The following EPB41L4B variants were observed in gnomAD, a reference collection of about 807,000 sequenced individuals.
EPB41L4B encodes the protein band 4.1-like protein 4B.
A neutral mutation model predicts 112.5 loss-of-function variants in EPB41L4B; 30 were observed. The observed-to-expected ratio is 0.27, with a 90% CI of 0.20 to 0.36. EPB41L4B has a LOEUF of 0.36. Ranked by LOEUF, EPB41L4B falls within the 10% of genes least tolerant of loss-of-function variation. The pLI is 1.00. For synonymous variants in EPB41L4B, 408 were observed against 439.7 expected, an observed-to-expected ratio of 0.93 and a Z score of 0.90; for missense variants, 1,024 against 1,133.3, an observed-to-expected ratio of 0.90 and a Z score of 1.38.
chr9:109,252,240 G>A (rs1190533352), intron 12 of EPB41L4B, among the ~76,000 whole-genome samples: 6 of 152,170 alleles, frequency 3.9e-5, no homozygotes, highest in Admixed American at 2.0e-4. Flanking sequence ...TCTTGAGACA[G>A]CTCTTTTGAT....
intron 1 of EPB41L4B, among the ~76,000 whole-genome samples, chr9:109,313,585 A>G (rs956545289): frequency 5.3e-5 from 8 of 152,230 alleles, no homozygotes; most frequent in Admixed American, 2.0e-4. Flanking sequence ...GGTCACATCA[A>G]CAAGACCTTT....
chr9:109,300,083 C>G (rs1381464963), intron 1 of EPB41L4B: 1 of 152,210 alleles, frequency 6.6e-6, no homozygotes, highest in African/African-American at 2.4e-5. Flanking sequence ...CAAAGTCAAC[C>G]GAAGAGGAGG....
chr9:109,239,157 G>T (rs1192943834), intron 15 of EPB41L4B, among the ~76,000 whole-genome samples: 1 of 152,194 alleles, frequency 6.6e-6, no homozygotes, highest in African/African-American at 2.4e-5. Context: ...GCTCCTATGG[G>T]ATCCATGCCA....
At chr9:109,283,194 G>A (rs1361712020) in intron 1 of EPB41L4B, among the ~76,000 whole-genome samples, 1 of 152,200 alleles carries the variant, frequency 6.6e-6, no homozygotes, top group Non-Finnish European at 1.5e-5. Flanking sequence ...CTTCTGGCAA[G>A]GTTACACTAA....
chr9:109,230,326 T>A (rs1212325715), intron 15 of EPB41L4B, among the ~76,000 whole-genome samples: 4 of 152,222 alleles, frequency 2.6e-5, no homozygotes, highest in Non-Finnish European at 4.4e-5. Flanking sequence ...CTTTGCCATG[T>A]GTTTGGAAGG....
At chr9:109,250,079 C>T (rs892583717) in intron 13 of EPB41L4B, among the ~76,000 whole-genome samples, 12 of 152,250 alleles carry the variant, frequency 7.9e-5, no homozygotes, top group South Asian at 2.1e-4. Flanking sequence ...CGGCTTCATC[C>T]GGAGGACCTC....
At chr9:109,176,719 G>A in intron 24 of EPB41L4B, 23 bp from the exon 25 acceptor site, 1 of 1,613,074 alleles carries the variant, frequency 6.2e-7, no homozygotes, top group Non-Finnish European at 8.5e-7. Flanking sequence ...CAGGAAAGAG[G>A]AGATCAATCT....
At chr9:109,258,325 T>G in intron 6 of EPB41L4B, 28 bp from the exon 7 acceptor site, 1 of 1,604,938 alleles carries the variant, frequency 6.2e-7, no homozygotes, top group South Asian at 1.1e-5. Context: ...GGGAGGAAAA[T>G]AGGAGACATT....
chr9:109,263,743 C>G (rs544186466), intron 5 of EPB41L4B, among the ~76,000 whole-genome samples: 53 of 152,202 alleles, frequency 3.5e-4, no homozygotes, highest in Non-Finnish European at 5.7e-4. Flanking sequence ...GTCAATGCAT[C>G]AAGTTTGTAA....
In EPB41L4B at chr9:109,265,333, C is replaced by T. The variant is rs542417655; in HGVS notation, c.534-309G>A. 6.6e-5 allele frequency among the ~76,000 whole-genome samples: 10 copies of T among 152,344 alleles called. No individual in the cohort carries two copies. The East Asian group carries it at 9.6e-4, about 15-fold the overall frequency. ...CTCCGTGCTGGAGAAGAGAGCCGAACGTGGCACATGGGCATGCAACATGTC... is the reference window on the plus strand; with the variant it reads ...CTCCGTGCTGGAGAAGAGAGCCGAATGTGGCACATGGGCATGCAACATGTC... On this transcript the variant is annotated intron_variant, in intron 4 of 25. Transcript: ENST00000374566.
At position 109,208,192 on chromosome 9, in the gene EPB41L4B, G is replaced by A. The variant is rs537162310; in HGVS notation, c.1753-143C>T. Reference sequence around the variant, plus strand: ...TCACCAACTCCTTATATTTTTATCTGTGCTTTACTATTTGCAAAGGGTTCT... The same window carrying A: ...TCACCAACTCCTTATATTTTTATCTATGCTTTACTATTTGCAAAGGGTTCT... On this transcript the variant is annotated intron_variant, in intron 17 of 25. Transcript: ENST00000374566. 118 of 933,386 alleles carry A rather than the reference G, an allele frequency of 1.3e-4. 1 individual carries two copies. The South Asian group carries it at 2.1e-3, about 16-fold the overall frequency. The allele number at this position is 933,386 out of a possible 1,614,324, so 57.8% of individuals were successfully genotyped here. A position where few individuals can be genotyped will look rare whatever the true frequency, so the allele number is the denominator to read the frequency against.
chr9:109,243,493 A>T, intron 15 of EPB41L4B, 125 bp downstream of exon 15: 4 of 800,656 alleles, frequency 5.0e-6, no homozygotes, highest in Non-Finnish European at 6.1e-6. Context: ...CATCTCGGCC[A>T]TGACAATGCA....
intron 19 of EPB41L4B, among the ~76,000 whole-genome samples, chr9:109,201,449 CAA>C (rs563680101): frequency 4.9e-4 from 29 of 59,370 alleles, no homozygotes; most frequent in Non-Finnish European, 4.8e-4. Flanking sequence ...GACCCTGTCT[CAA>C]AAAAAAAAAA....
At chr9:109,260,067 T>C (rs948967544) in intron 6 of EPB41L4B, among the ~76,000 whole-genome samples, 3 of 152,224 alleles carry the variant, frequency 2.0e-5, no homozygotes, top group Middle Eastern at 3.4e-3. Flanking sequence ...AAATCTTCAG[T>C]GTTTTTCTTT....
In EPB41L4B at chr9:109,255,608, C is replaced by A; in HGVS notation, c.1072G>T (p.Ala358Ser). 1 of 1,614,198 alleles carries A rather than the reference C, an allele frequency of 6.2e-7. No homozygotes were observed. Among genetic ancestry groups the A allele is most frequent in the Middle Eastern group, 1.6e-4 (1 of 6,062 alleles). The part of the protein sequence containing the change: ...ARTCKHLWKC[A>S]VEHHAFFRLR... ...CGGAAGAATGCGTGGTGCTCAACTGCACACTTCCAAAGGTGTTTGCAGGTC... is the reference window on the plus strand; with the variant it reads ...CGGAAGAATGCGTGGTGCTCAACTGAACACTTCCAAAGGTGTTTGCAGGTC... The change falls in exon 11 of 26, where the codon GCA (alanine) becomes TCA (serine). Residue 358 changes from alanine (A) to serine (S), a missense_variant. Ala to Ser is a moderately conservative substitution (Grantham distance 99). Coordinates refer to ENST00000374566, the MANE Select transcript of EPB41L4B (RefSeq NM_019114.5).
In EPB41L4B at chr9:109,253,460, C is replaced by T. The variant is rs768854748; in HGVS notation, c.1260G>A (p.Arg420=). ...ERKPSKRYPS[R]RHSTFKASNP... is the part of the protein sequence containing the mutation. ...CACAACCTTTGAACGTTGAATGTCT[C>T]CGGGATGGATAACGTTTACTAGGCT... Residue 420 remains arginine, a synonymous_variant, in exon 12 of 26, where the codon CGG becomes CGA. Coordinates refer to ENST00000374566, the MANE Select transcript of EPB41L4B (RefSeq NM_019114.5). 6.8e-6 allele frequency: 11 copies of T among 1,612,790 alleles called. No individual in the cohort carries two copies. In the African/African-American group the frequency reaches 1.2e-4, roughly 18 times the overall value.
chr9:109,298,733 T>C (rs528907703), intron 1 of EPB41L4B, among the ~76,000 whole-genome samples: 4 of 152,220 alleles, frequency 2.6e-5, no homozygotes, highest in Non-Finnish European at 5.9e-5. Flanking sequence ...AACACCTAGG[T>C]AACGTCTCGT....
chr9:109,259,931 A>G (rs1835135889), intron 6 of EPB41L4B, among the ~76,000 whole-genome samples: 1 of 152,132 alleles, frequency 6.6e-6, no homozygotes. Flanking sequence ...AGTGATCCTT[A>G]GAGTCCCAGA....
At chr9:109,273,227 G>A (rs1259014854) in intron 2 of EPB41L4B, among the ~76,000 whole-genome samples, 1 of 151,902 alleles carries the variant, frequency 6.6e-6, no homozygotes, top group Non-Finnish European at 1.5e-5. Context: ...GACAGGATGA[G>A]GAGAGGCCTG....
Sources: allele counts gnomAD v4.1 joint callset (sites outside exome capture counted in the v4.1 genomes callset), GRCh38; gene constraint gnomAD v4.1.1; transcripts MANE v1.5; gene names NCBI Gene and HGNC (gene_info 2026-07-23, HGNC 2026-07-21).